Variants in SEPTIN7 observed in about 807,000 individuals in gnomAD.
SEPTIN7 encodes septin 7, also known as septin-7.
Under a neutral mutation model 63.3 loss-of-function variants are expected in SEPTIN7, and 10 were observed. The observed-to-expected ratio is 0.16, with a 90% CI of 0.10 to 0.27. The LOEUF (loss-of-function observed/expected upper bound fraction) is 0.27, where lower values mean the gene tolerates loss of function less well. SEPTIN7 is among the 10% of genes least tolerant of loss of function. The pLI, the probability that SEPTIN7 is intolerant of heterozygous loss-of-function variation, is 1.00. For missense variants in SEPTIN7, 310 were observed against 521.0 expected, an observed-to-expected ratio of 0.59 and a Z score of 3.94; for synonymous variants, 131 against 165.3, an observed-to-expected ratio of 0.79 and a Z score of 1.59.
chr7:35,885,750 C>T, intron 9 of SEPTIN7, 78 bp from the exon 10 acceptor site: 1 of 1,116,494 alleles, frequency 9.0e-7, no homozygotes, highest in Non-Finnish European at 1.3e-6. Context: ...TTTTACACCC[C>T]AAGTTCCTGT....
chr7:35,855,158 C>T (rs891514853), intron 3 of SEPTIN7, among the ~76,000 whole-genome samples: 1 of 151,962 alleles, frequency 6.6e-6, no homozygotes, highest in Non-Finnish European at 1.5e-5. Flanking sequence ...TAAACAGTAC[C>T]ATGCTATAAG....
At chr7:35,857,311 G>T (rs187016643) in intron 3 of SEPTIN7, among the ~76,000 whole-genome samples, 1 of 152,232 alleles carries the variant, frequency 6.6e-6, no homozygotes, top group East Asian at 1.9e-4. Context: ...TTGGCCAAAT[G>T]ATACCCTTTA....
intron 1 of SEPTIN7, among the ~76,000 whole-genome samples, chr7:35,813,343 G>A (rs970438856): frequency 1.3e-5 from 2 of 151,754 alleles, no homozygotes; most frequent in Non-Finnish European, 2.9e-5. Context: ...ACTTACAAAT[G>A]AGTAATATTC....
downstream of SEPTIN7, among the ~76,000 whole-genome samples, chr7:35,909,100 G>A (rs542460762): frequency 3.9e-5 from 6 of 152,276 alleles, no homozygotes; most frequent in East Asian, 1.2e-3. Flanking sequence ...GAATATATCG[G>A]TGGGACATAA....
chr7:35,867,506 C>T (rs1229069725), intron 4 of SEPTIN7, among the ~76,000 whole-genome samples: 13 of 152,140 alleles, frequency 8.5e-5, no homozygotes, highest in South Asian at 2.1e-4. Flanking sequence ...TGTGCCACCA[C>T]GCCTGGCTAA....
chr7:35,879,088 T>TG (rs1786666192), intron 6 of SEPTIN7, among the ~76,000 whole-genome samples: 1 of 152,170 alleles, frequency 6.6e-6, no homozygotes, highest in Admixed American at 6.6e-5. Context: ...GAATAAGTAA[T>TG]GGTAAGCACC....
chr7:35,803,065 C>G, intron 1 of SEPTIN7: 3 of 596,856 alleles, frequency 5.0e-6, no homozygotes, highest in Non-Finnish European at 6.3e-6. Context: ...AAATTCACAA[C>G]AAATAACAGA....
At chr7:35,893,512 TA>T (rs2116346208) in intron 11 of SEPTIN7, among the ~76,000 whole-genome samples, 1 of 152,270 alleles carries the variant, frequency 6.6e-6, no homozygotes, top group South Asian at 2.1e-4. Flanking sequence ...GTCTATACCA[TA>T]GAGCCTAAGT....
chr7:35,915,090 T>C, the SEPTIN7 span, among the ~76,000 whole-genome samples: 1 of 151,698 alleles, frequency 6.6e-6, no homozygotes, highest in South Asian at 2.1e-4. Flanking sequence ...TATATGTATA[T>C]ATGCGTATGT....
intron 1 of SEPTIN7, chr7:35,802,222 G>A (rs578195272): frequency 6.3e-6 from 2 of 319,490 alleles, no homozygotes; most frequent in Non-Finnish European, 1.3e-5. Flanking sequence ...AAAAGAACAG[G>A]CCATTTCATT....
chr7:35,863,929 C>CT (rs1457905179), intron 4 of SEPTIN7, among the ~76,000 whole-genome samples: 1 of 147,578 alleles, frequency 6.8e-6, no homozygotes, highest in South Asian at 2.2e-4. Context: ...GTTGTGCTAT[C>CT]TAGTATGGTA....
At chr7:35,883,430 C>T (rs1479489605) in intron 8 of SEPTIN7, among the ~76,000 whole-genome samples, 11 of 152,070 alleles carry the variant, frequency 7.2e-5, no homozygotes, top group Non-Finnish European at 1.6e-4. Flanking sequence ...AACACAAATC[C>T]AGTCACCAGG....
At chr7:35,829,940 C>A (rs1263475149) in intron 1 of SEPTIN7, among the ~76,000 whole-genome samples, 1 of 152,020 alleles carries the variant, frequency 6.6e-6, no homozygotes. Flanking sequence ...GTAATCCCAG[C>A]ACTTTGGGAG....
At chr7:35,835,240 T>C (rs1784021781) in intron 3 of SEPTIN7, among the ~76,000 whole-genome samples, 1 of 152,176 alleles carries the variant, frequency 6.6e-6, no homozygotes, top group Non-Finnish European at 1.5e-5. Flanking sequence ...ATTATTGCCT[T>C]CTTTTGAAAA....
At chr7:35,812,702 G>T (rs969006634) in intron 1 of SEPTIN7, among the ~76,000 whole-genome samples, 31 of 152,028 alleles carry the variant, frequency 2.0e-4, no homozygotes, top group Non-Finnish European at 4.3e-4. Context: ...CCCCCGTAGG[G>T]TAGTTTCCTC....
chr7:35,884,474 A>C (rs1562576414), intron 9 of SEPTIN7, among the ~76,000 whole-genome samples: 1 of 152,292 alleles, frequency 6.6e-6, no homozygotes, highest in East Asian at 1.9e-4. Flanking sequence ...ATCCTGCCTC[A>C]TCATTAAGTC....
intron 1 of SEPTIN7, among the ~76,000 whole-genome samples, chr7:35,828,080 GT>G (rs918402939): frequency 8.5e-5 from 13 of 152,198 alleles, no homozygotes; most frequent in African/African-American, 2.9e-4. Context: ...CTGACAAAAT[GT>G]TTAAAATAAT....
chr7:35,897,736 T>G (rs938531505), intron 11 of SEPTIN7, among the ~76,000 whole-genome samples: 2 of 152,184 alleles, frequency 1.3e-5, no homozygotes, highest in Non-Finnish European at 2.9e-5. Flanking sequence ...GCCTAAATAG[T>G]GCTCTAGGTA....
chr7:35,804,653 G>C (rs1457151894), intron 1 of SEPTIN7, among the ~76,000 whole-genome samples: 1 of 152,126 alleles, frequency 6.6e-6, no homozygotes, highest in Non-Finnish European at 1.5e-5. Flanking sequence ...ACAGTTAGGC[G>C]TTGTTAACAA....
Sources: allele counts gnomAD v4.1 joint callset (sites outside exome capture counted in the v4.1 genomes callset), GRCh38; gene constraint gnomAD v4.1.1; transcripts MANE v1.5; gene names NCBI Gene and HGNC (gene_info 2026-07-23, HGNC 2026-07-21).